CCDC43: variants seen among roughly 807,000 people sequenced by gnomAD.
CCDC43 encodes coiled-coil domain containing 43.
Under a neutral mutation model 33.3 loss-of-function variants are expected in CCDC43, and 20 were observed. The observed-to-expected ratio is 0.60, with a 90% confidence interval of 0.42 to 0.87. The LOEUF (loss-of-function observed/expected upper bound fraction) is 0.87, where lower values mean the gene tolerates loss of function less well. Ranked by LOEUF, CCDC43 falls within the 40% of genes least tolerant of loss-of-function variation. CCDC43 has a pLI of 0.00. For missense variants in CCDC43, 248 were observed against 269.9 expected (o/e 0.92, Z 0.57); for synonymous variants, 104 against 106.5 (o/e 0.98, Z 0.14).
intron 4 of CCDC43, among the ~76,000 whole-genome samples, chr17:44,680,284 G>C (rs922177127): frequency 6.6e-6 from 1 of 152,094 alleles, no homozygotes; most frequent in Non-Finnish European, 1.5e-5. Context: ...CATCACGCCT[G>C]ACCTCAATAT....
chr17:44,682,639 T>C (rs1395131883), intron 2 of CCDC43, among the ~76,000 whole-genome samples: 2 of 152,030 alleles, frequency 1.3e-5, no homozygotes, highest in Non-Finnish European at 2.9e-5. Context: ...AGGTGGATCA[T>C]GAGGTCAGGA....
intron 3 of CCDC43, 36 bp from the exon 4 acceptor site, chr17:44,680,679 C>A: frequency 6.6e-7 from 1 of 1,522,142 alleles, no homozygotes; most frequent in Non-Finnish European, 9.1e-7. Context: ...TGGAAAACAA[C>A]ATCCCAACCT....
rs1972286724 is a variant in CCDC43 at position 44,689,309 on chromosome 17, G to A, written c.204+241C>T. 2.0e-5 allele frequency: 11 copies of A among 558,414 alleles called. No individual in the cohort carries two copies. The South Asian group carries it at 2.3e-4, about 12-fold the overall frequency. 34.6% of individuals were successfully genotyped at this position (558,414 alleles called of 1,614,324 possible). ...TCGGCTCACTCACAAGCATCGGAGA[G>A]GGCCTTGTCCCCAAGAATACGAGAA... On this transcript the variant is annotated intron_variant, in intron 1 of 4. Transcript: ENST00000315286.
At chr17:44,682,612 C>A (rs1317493221) in intron 2 of CCDC43, among the ~76,000 whole-genome samples, 1 of 152,152 alleles carries the variant, frequency 6.6e-6, no homozygotes, top group African/African-American at 2.4e-5. Flanking sequence ...AATCCCAACA[C>A]TTTGGGAGGC....
intron 1 of CCDC43, among the ~76,000 whole-genome samples, chr17:44,685,693 C>G (rs1448427113): frequency 6.6e-6 from 1 of 152,228 alleles, no homozygotes; most frequent in Admixed American, 6.5e-5. Flanking sequence ...TCAGGGCAAG[C>G]TGTCAGCATT....
intron 2 of CCDC43, 35 bp downstream of exon 2, chr17:44,683,837 G>A (rs1174089048): frequency 2.1e-6 from 3 of 1,425,756 alleles, no homozygotes; most frequent in African/African-American, 2.8e-5. Flanking sequence ...GCTGGAAAAG[G>A]CTCAGGAAGT....
At chr17:44,683,697 A>C (rs950517447) in intron 2 of CCDC43, among the ~76,000 whole-genome samples, 175 bp downstream of exon 2, 1 of 152,202 alleles carries the variant, frequency 6.6e-6, no homozygotes, top group Admixed American at 6.5e-5. Context: ...CAAAAAAAGA[A>C]AAGGAAGCCA....
intron 4 of CCDC43, 81 bp from the exon 5 acceptor site, chr17:44,679,124 C>T: frequency 9.1e-7 from 1 of 1,100,604 alleles, no homozygotes; most frequent in Non-Finnish European, 1.3e-6. Flanking sequence ...CTTATCCTCT[C>T]TCCACCTGCT....
chr17:44,684,433 T>TA (rs1972206241), intron 1 of CCDC43, among the ~76,000 whole-genome samples: 1 of 152,110 alleles, frequency 6.6e-6, no homozygotes, highest in African/African-American at 2.4e-5. Context: ...TGCAGTGGCT[T>TA]ACGCCTGTAA....
chr17:44,682,155 G>T lies in CCDC43; in HGVS notation c.293-17C>A. 6.2e-7 allele frequency: 1 copy of T among 1,613,816 alleles called. No individual in the cohort carries two copies. The highest frequency in any genetic ancestry group is 1.7e-5 in the Admixed American group (1 of 60,020). ...GTACTTCATCTGGGAGGTGGTGGAA[G>T]GAAGAACAAGGTTGTATGAGAGAGA... On this transcript the variant is annotated splice_polypyrimidine_tract_variant and intron_variant, in intron 2 of 4. Coordinates refer to ENST00000315286, the MANE Select transcript of CCDC43 (RefSeq NM_144609.3).
At position 44,682,000 on chromosome 17, in the gene CCDC43, T is replaced by C; in HGVS notation, c.428+3A>G. 1 of 1,613,948 alleles carries C rather than the reference T, an allele frequency of 6.2e-7. No individual in the cohort carries two copies. The highest frequency in any genetic ancestry group is 8.5e-7 in the Non-Finnish European group (1 of 1,179,866). ...AATGGTGCCGAGACTCCAGAAAGGA[T>C]ATTCCTCTTCATCTGTCACATCAGC... On this transcript the variant is annotated splice_donor_region_variant and intron_variant, in intron 3 of 4. Transcript: ENST00000315286.
At chr17:44,687,134 A>AT (rs1314104126) in intron 1 of CCDC43, among the ~76,000 whole-genome samples, 142 of 148,994 alleles carry the variant, frequency 9.5e-4, no homozygotes, top group African/African-American at 3.0e-3. Flanking sequence ...ACAAAAAAAA[A>AT]TTTTTTTTTT....
At position 44,683,976 on chromosome 17, in the gene CCDC43, A is replaced by T. The variant is rs1972198399; in HGVS notation, c.205-17T>A. ...ATCTTCTTCCTAGTTGGAAAAGCAG[A>T]CCAATTAATTTCCTGAGGGAGCCCT... On this transcript the variant is annotated splice_polypyrimidine_tract_variant and intron_variant, in intron 1 of 4. Transcript: ENST00000315286. The T allele has an allele frequency of 6.4e-7, 1 of 1,556,910 alleles. No individual in the cohort carries two copies. The highest frequency in any genetic ancestry group is 2.2e-5 in the East Asian group (1 of 44,588).
At chr17:44,684,832 G>A (rs974977302) in intron 1 of CCDC43, among the ~76,000 whole-genome samples, 16 of 152,138 alleles carry the variant, frequency 1.1e-4, no homozygotes, top group African/African-American at 3.4e-4. Context: ...CCAGGCTGGA[G>A]TGTAGTGGTG....
rs965143255 is a variant in CCDC43, at chr17:44,689,172, G to A, written c.204+378C>T. 4.2e-5 allele frequency: 10 copies of A among 239,368 alleles called. No homozygotes were observed. The South Asian group carries it at 5.5e-4, about 13-fold the overall frequency. The allele number at this position is 239,368 out of a possible 1,614,324, so 14.8% of individuals were successfully genotyped here. On this transcript the variant is annotated intron_variant, in intron 1 of 4. Coordinates refer to ENST00000315286, the MANE Select transcript of CCDC43 (RefSeq NM_144609.3). ...TGTAATAGGCACAGACCTCCCAAGA[G>A]CATTTTAATACCCCCAGTGAACACT...
chr17:44,678,565 G>A lies in CCDC43; in HGVS notation c.*291C>T. The A allele has an allele frequency of 3.7e-6, 1 of 272,982 alleles. No homozygotes were observed. The highest frequency in any genetic ancestry group is 5.1e-5 in the Admixed American group (1 of 19,628). 16.9% of individuals were successfully genotyped at this position (272,982 alleles called of 1,614,324 possible). On this transcript the variant is annotated 3_prime_UTR_variant, in exon 5 of 5. Coordinates refer to ENST00000315286, the MANE Select transcript of CCDC43 (RefSeq NM_144609.3). ...TGAATCCTATTTATCCAAGGTGAGG[G>A]AAGACTTTTTAAAGTGGCCAAAAGG...
intron 1 of CCDC43, among the ~76,000 whole-genome samples, chr17:44,685,895 CA>C: frequency 6.6e-6 from 1 of 152,274 alleles, no homozygotes; most frequent in Middle Eastern, 3.4e-3. Context: ...ATTTGAACCC[CA>C]GCAGTTTGGC....
chr17:44,677,600 T>G lies in CCDC43; in HGVS notation c.*1256A>C, dbSNP rs1972096629. On this transcript the variant is annotated 3_prime_UTR_variant, in exon 5 of 5. Transcript: ENST00000315286. ...AAGGTAAAAGTTTTTGTTAATCTCA[T>G]AGTTAATGGTATAAAACAGAGATTG... 1 of 152,130 alleles carries G rather than the reference T, an allele frequency of 6.6e-6. No homozygotes were observed. Among genetic ancestry groups the G allele is most frequent in the African/African-American group, 2.4e-5 (1 of 41,434 alleles). The allele number at this position is 152,130 out of a possible 1,614,324, so 9.4% of individuals were successfully genotyped here. A position where few individuals can be genotyped will look rare whatever the true frequency, so the allele number is the denominator to read the frequency against.
rs1371578707 is a variant in CCDC43, at chr17:44,689,601, C to T, written c.153G>A (p.Glu51=). 1.2e-6 allele frequency: 2 copies of T among 1,614,032 alleles called. No homozygotes were observed. Among genetic ancestry groups the T allele is most frequent in the Non-Finnish European group, 1.7e-6 (2 of 1,179,896 alleles). The stretch of plus-strand genomic sequence containing the variant: ...GAGCGTCCAGCTTCTCTTCTTCCTC[C>T]TCCTCCTGCAGGATACCCAAGATGT... ...GAYILGILQE[E]EEEEKLDALQ... Residue 51 remains glutamate (E), a synonymous_variant, in exon 1 of 5, where the codon GAG becomes GAA. Transcript: ENST00000315286.
Sources: allele counts gnomAD v4.1 joint callset (sites outside exome capture counted in the v4.1 genomes callset), GRCh38; gene constraint gnomAD v4.1.1; transcripts MANE v1.5; gene names NCBI Gene and HGNC (gene_info 2026-07-23, HGNC 2026-07-21).